Variants in ECPAS observed in about 807,000 individuals in gnomAD.
ECPAS encodes the protein Ecm29 proteasome adaptor and scaffold.
A neutral mutation model predicts 255.1 loss-of-function variants in ECPAS; 70 were observed. That is an observed-to-expected ratio of 0.27 (90% CI 0.23 to 0.33). ECPAS has a LOEUF of 0.33. ECPAS is among the 10% of genes least tolerant of loss of function. The probability of loss-of-function intolerance (pLI) is 1.00; values close to 1 mark genes in which losing one functional copy is unlikely to be tolerated. For synonymous variants in ECPAS, 784 were observed against 775.0 expected (o/e 1.01, Z -0.19); for missense variants, 1,817 against 2,206.4 (o/e 0.82, Z 3.54).
rs2098199866 is a variant in ECPAS, at chr9:111,414,419, A to G, written c.1987+10T>C. 1.2e-6 allele frequency: 2 copies of G among 1,610,442 alleles called. No homozygotes were observed. Among genetic ancestry groups the G allele is most frequent in the Non-Finnish European group, 8.5e-7 (1 of 1,176,824 alleles). On this transcript the variant is annotated intron_variant, in intron 19 of 49. Transcript: ENST00000684092. ...CTTCAGTATCTTTCCTTCGCGTCAC[A>G]TATTCCTACCTCCAACACCTGCTAA...
At chr9:111,404,877 C>T (rs1444911372) in intron 24 of ECPAS, among the ~76,000 whole-genome samples, 4 of 137,808 alleles carry the variant, frequency 2.9e-5, no homozygotes, top group Non-Finnish European at 4.6e-5. Context: ...GATCTCTGTA[C>T]TGAAAACTAT....
intron 2 of ECPAS, 89 bp downstream of exon 2, chr9:111,472,808 T>TG: frequency 3.8e-6 from 1 of 262,824 alleles, no homozygotes. Flanking sequence ...ATGAAGATCT[T>TG]GGGGGGAAAT....
chr9:111,383,072 T>C, intron 35 of ECPAS, 139 bp downstream of exon 35: 1 of 978,970 alleles, frequency 1.0e-6, no homozygotes, highest in Non-Finnish European at 1.5e-6. Context: ...ATATTGTGAC[T>C]CACAAGTTTT....
rs1185140351 is a variant in ECPAS, at chr9:111,361,248, C to T, written c.*782G>A. On this transcript the variant is annotated 3_prime_UTR_variant, in exon 50 of 50. Transcript: ENST00000684092. Reference sequence around the variant, plus strand: ...ACACAGATAGAATGTGTGATCTTGTCCTAATCTACTTTATCCACCTGTAAA... The same window carrying T: ...ACACAGATAGAATGTGTGATCTTGTTCTAATCTACTTTATCCACCTGTAAA... 6.6e-6 allele frequency: 1 copy of T among 152,138 alleles called. No individual in the cohort carries two copies. The highest frequency in any genetic ancestry group is 1.5e-5 in the Non-Finnish European group (1 of 68,016). The allele number at this position is 152,138 out of a possible 1,614,324, so 9.4% of individuals were successfully genotyped here. A position where few individuals can be genotyped will look rare whatever the true frequency, so the allele number is the denominator to read the frequency against.
intron 23 of ECPAS, among the ~76,000 whole-genome samples, chr9:111,409,453 A>G (rs1003762185): frequency 1.3e-5 from 2 of 152,068 alleles, no homozygotes; most frequent in African/African-American, 4.8e-5. Flanking sequence ...TCAGCTACTC[A>G]GGAGGCTGAG....
intron 20 of ECPAS, 77 bp downstream of exon 20, chr9:111,413,818 G>A (rs553867969): frequency 1.5e-5 from 13 of 890,466 alleles, no homozygotes; most frequent in East Asian, 2.8e-5. Flanking sequence ...TAGGGATCCC[G>A]CTGGCAGGAA....
At chr9:111,474,689 G>A (rs930984075) in intron 1 of ECPAS, among the ~76,000 whole-genome samples, 3 of 152,136 alleles carry the variant, frequency 2.0e-5, no homozygotes, top group African/African-American at 7.2e-5. Context: ...TATCTCCACA[G>A]CATCATCTGC....
rs751687233 is a variant in ECPAS, at chr9:111,407,428, A to AAAAAAAAAAAAAAAG, written c.2652+1142_2652+1143insCTTTTTTTTTTTTTT. 1.3e-3 allele frequency among the ~76,000 whole-genome samples: 131 copies of AAAAAAAAAAAAAAAG among 98,818 alleles called. 11 individuals carry two copies. Among genetic ancestry groups the AAAAAAAAAAAAAAAG allele is most frequent in the Non-Finnish European group, 2.1e-3 (81 of 38,752 alleles). The allele number at this position is 98,818 out of a possible 152,430, so 64.8% of individuals were successfully genotyped here. On this transcript the variant is annotated intron_variant, in intron 24 of 49. Transcript: ENST00000684092. ...GAAAAAAAAAAAAAAAAAAAAAAAAAAAAAAAAAAACCTAGAAGAAACCCA... is the reference window on the plus strand; with the variant it reads ...GAAAAAAAAAAAAAAAAAAAAAAAAAAAAAAAAAAAAAAAGAAAAAAAAAACCTAGAAGAAACCCA...
At chr9:111,454,902 T>C (rs981280908) in intron 2 of ECPAS, among the ~76,000 whole-genome samples, 1 of 151,978 alleles carries the variant, frequency 6.6e-6, no homozygotes, top group Admixed American at 6.6e-5. Context: ...CAGAGGTCTC[T>C]GGTCTTGAAT....
chr9:111,445,991 T>C (rs981358915), intron 3 of ECPAS, among the ~76,000 whole-genome samples: 2 of 152,214 alleles, frequency 1.3e-5, no homozygotes, highest in Non-Finnish European at 2.9e-5. Flanking sequence ...TCCATGTCCC[T>C]GCAAAGGACA....
intron 46 of ECPAS, among the ~76,000 whole-genome samples, chr9:111,367,353 T>C (rs913399600): frequency 6.6e-6 from 1 of 152,216 alleles, no homozygotes; most frequent in East Asian, 1.9e-4. Flanking sequence ...ATTGTAGATA[T>C]ATATGAGAAG....
intron 29 of ECPAS, among the ~76,000 whole-genome samples, chr9:111,391,164 C>T (rs1300873911): frequency 2.0e-5 from 3 of 152,180 alleles, no homozygotes; most frequent in Non-Finnish European, 4.4e-5. Context: ...TTCCGCCCCT[C>T]CCTCAGTCAT....
At position 111,444,420 on chromosome 9, in the gene ECPAS, C is replaced by T; in HGVS notation, c.228G>A (p.Leu76=). The change falls in exon 4 of 50, where the codon CTG becomes CTA. Residue 76 remains leucine, a synonymous_variant. Transcript: ENST00000684092. ...RPKIQLPVET[L]LVQYQDPAAV... is the part of the protein sequence containing the mutation. ...CAGCAGGGTCCTGGTACTGAACCAA[C>T]AGTGTCTCTACTGGAAGTTGTATTT... 6.2e-7 allele frequency: 1 copy of T among 1,613,898 alleles called. No homozygotes were observed. The highest frequency in any genetic ancestry group is 1.1e-5 in the South Asian group (1 of 91,074).
At chr9:111,391,947 A>G (rs2098160796) in intron 28 of ECPAS, 123 bp from the exon 29 acceptor site, 2 of 745,752 alleles carry the variant, frequency 2.7e-6, no homozygotes, top group Non-Finnish European at 4.5e-6. Flanking sequence ...ACAAGATATA[A>G]AAGTCCTTTC....
intron 2 of ECPAS, among the ~76,000 whole-genome samples, chr9:111,457,126 T>C (rs1293259284): frequency 6.6e-6 from 1 of 152,062 alleles, no homozygotes; most frequent in African/African-American, 2.4e-5. Context: ...TCCAGTTAAT[T>C]CAGCAATAGA....
chr9:111,437,477 G>C (rs544172829), intron 6 of ECPAS, among the ~76,000 whole-genome samples: 1 of 152,128 alleles, frequency 6.6e-6, no homozygotes, highest in Non-Finnish European at 1.5e-5. Flanking sequence ...GGGACTGGGA[G>C]GAGCTATTGC....
intron 20 of ECPAS, 98 bp downstream of exon 20, chr9:111,413,797 A>C (rs1390844474): frequency 1.5e-6 from 1 of 647,610 alleles, no homozygotes; most frequent in Non-Finnish European, 2.5e-6. Context: ...ACCTAAAGGC[A>C]GAAAAGGTCA....
At chr9:111,390,785 T>C (rs1413064905) in intron 29 of ECPAS, among the ~76,000 whole-genome samples, 1 of 152,152 alleles carries the variant, frequency 6.6e-6, no homozygotes, top group Non-Finnish European at 1.5e-5. Context: ...TCCGTAGAAA[T>C]AAAGCATGAT....
chr9:111,481,240 T>TA (rs1403430274), intron 1 of ECPAS, among the ~76,000 whole-genome samples: 3 of 152,014 alleles, frequency 2.0e-5, no homozygotes, highest in African/African-American at 7.3e-5. Context: ...CTCACGCCTG[T>TA]AATCCCAGCA....
Sources: gnomAD v4.1 joint callset for allele counts (sites outside exome capture counted in the v4.1 genomes callset) on GRCh38, gnomAD v4.1.1 for gene constraint, MANE v1.5 for transcripts, NCBI Gene and HGNC (gene_info 2026-07-23, HGNC 2026-07-21) for gene names.